The following GARNL3 variants were observed in gnomAD, a reference collection of about 807,000 sequenced individuals.
GARNL3 encodes the protein GTPase activating Rap/RanGAP domain like 3.
Under a neutral mutation model 125.0 loss-of-function variants are expected in GARNL3, and 63 were observed. That is an observed-to-expected ratio of 0.50 (90% CI 0.41 to 0.62). GARNL3 has a LOEUF of 0.62. GARNL3 is among the 20% of genes least tolerant of loss of function. GARNL3 has a pLI of 0.00. For missense variants in GARNL3, 994 were observed against 1,244.0 expected, an observed-to-expected ratio of 0.80 and a Z score of 3.02; for synonymous variants, 439 against 457.5, an observed-to-expected ratio of 0.96 and a Z score of 0.52.
intron 2 of GARNL3, among the ~76,000 whole-genome samples, chr9:127,303,848 G>A (rs750143891): frequency 9.9e-5 from 15 of 152,006 alleles, no homozygotes; most frequent in South Asian, 6.2e-4. Context: ...GTCTTCCTCC[G>A]TCACATCCCA....
intron 1 of GARNL3, 147 bp downstream of exon 1, chr9:127,265,168 G>A (rs2063676351): frequency 1.9e-6 from 1 of 540,192 alleles, no homozygotes; most frequent in Non-Finnish European, 3.1e-6. Flanking sequence ...ACTATACAAA[G>A]GCTATGATAA....
chr9:127,330,503 T>C (rs867215814), intron 7 of GARNL3, among the ~76,000 whole-genome samples: 1 of 152,222 alleles, frequency 6.6e-6, no homozygotes, highest in Non-Finnish European at 1.5e-5. Context: ...TTATTAATCT[T>C]TTCCAATGTA....
intron 1 of GARNL3, among the ~76,000 whole-genome samples, chr9:127,233,696 T>C (rs553656590): frequency 1.3e-5 from 2 of 152,338 alleles, no homozygotes; most frequent in East Asian, 3.9e-4. Flanking sequence ...CAAATATTGC[T>C]CTGTGCATGG....
Position 127,334,594 on chromosome 9 carries a change from G to A in GARNL3, c.770-636G>A, listed in dbSNP as rs575751737. 2.7e-3 allele frequency among the ~76,000 whole-genome samples: 404 copies of A among 152,258 alleles called. 2 individuals carry two copies. Among genetic ancestry groups the A allele is most frequent in the African/African-American group, 9.2e-3 (384 of 41,564 alleles). On this transcript the variant is annotated intron_variant, in intron 9 of 27. Coordinates refer to ENST00000373387, the MANE Select transcript of GARNL3 (RefSeq NM_032293.5). Reference sequence around the variant, plus strand: ...CTCATACCCCCGCTGCCAACCCTCAGCGTCTCCAATATGGTCATAACAACC... The same window carrying A: ...CTCATACCCCCGCTGCCAACCCTCAACGTCTCCAATATGGTCATAACAACC...
intron 1 of GARNL3, among the ~76,000 whole-genome samples, chr9:127,275,120 T>C (rs2063920427): frequency 3.3e-5 from 5 of 152,254 alleles, no homozygotes; most frequent in Non-Finnish European, 1.5e-5. Context: ...TGTACTGCTC[T>C]TAGCAATAGA....
intron 2 of GARNL3, among the ~76,000 whole-genome samples, chr9:127,257,849 T>C (rs2063519995): frequency 6.6e-6 from 1 of 152,278 alleles, no homozygotes; most frequent in Non-Finnish European, 1.5e-5. Context: ...TGGCCTGTTA[T>C]GAACCAGGAG....
chr9:127,374,073 G>A (rs1294150548), intron 22 of GARNL3, among the ~76,000 whole-genome samples: 2 of 152,050 alleles, frequency 1.3e-5, no homozygotes, highest in Non-Finnish European at 2.9e-5. Flanking sequence ...AGGCCGAGGT[G>A]GGTGGATCAC....
chr9:127,230,997 T>C (rs2062991282), intron 1 of GARNL3, among the ~76,000 whole-genome samples: 1 of 141,678 alleles, frequency 7.1e-6, no homozygotes, highest in South Asian at 2.1e-4. Flanking sequence ...TATATGTATA[T>C]ATACACATAT....
chr9:127,382,949 C>T (rs1024447789), intron 22 of GARNL3, among the ~76,000 whole-genome samples: 6 of 152,168 alleles, frequency 3.9e-5, no homozygotes, highest in Non-Finnish European at 5.9e-5. Flanking sequence ...CAAGGGCTGC[C>T]GTCAGGTGTC....
chr9:127,302,078 G>A (rs1229541604), intron 2 of GARNL3, among the ~76,000 whole-genome samples: 2 of 151,618 alleles, frequency 1.3e-5, no homozygotes, highest in Non-Finnish European at 1.5e-5. Flanking sequence ...GAGTAGCTGG[G>A]ACTACAGGCG....
intron 22 of GARNL3, among the ~76,000 whole-genome samples, chr9:127,380,728 C>T (rs905520491): frequency 5.9e-5 from 9 of 152,154 alleles, no homozygotes; most frequent in African/African-American, 2.2e-4. Context: ...CCGGAAAAGG[C>T]AAGTCCACAG....
intron 27 of GARNL3, among the ~76,000 whole-genome samples, chr9:127,391,103 G>A (rs974883061): frequency 1.4e-4 from 21 of 151,942 alleles, no homozygotes; most frequent in African/African-American, 4.1e-4. Context: ...TGGCCAACAC[G>A]GTGAAACCCC....
intron 21 of GARNL3, chr9:127,362,806 C>G (rs1831083443): frequency 1.3e-5 from 2 of 152,236 alleles, no homozygotes; most frequent in South Asian, 4.1e-4. Flanking sequence ...TGAGCATTTA[C>G]CGAGCTCCAG....
chr9:127,346,513 A>T (rs1049594752), intron 16 of GARNL3, among the ~76,000 whole-genome samples: 3 of 152,218 alleles, frequency 2.0e-5, no homozygotes, highest in African/African-American at 7.2e-5. Flanking sequence ...TCCCATGCAC[A>T]GTAGGAATTT....
At chr9:127,366,483 A>G (rs985237288) in intron 22 of GARNL3, among the ~76,000 whole-genome samples, 2 of 152,200 alleles carry the variant, frequency 1.3e-5, no homozygotes, top group Non-Finnish European at 2.9e-5. Flanking sequence ...CTGCATCCCC[A>G]GGTTTATGGC....
rs144761667 is a variant in GARNL3 at position 127,353,101 on chromosome 9, CAGTA to C, written c.1544-739_1544-736del. 5.2e-3 allele frequency among the ~76,000 whole-genome samples: 790 copies of C among 152,318 alleles called. 9 individuals are homozygous for C. Among genetic ancestry groups the C allele is most frequent in the African/African-American group, 0.018 (752 of 41,558 alleles). ...AGTAATTGTTAGCAACTTAGATTCT[CAGTA>C]AGTAACCTCAACAACAAATCCTGTG... On this transcript the variant is annotated intron_variant, in intron 17 of 27. Coordinates refer to ENST00000373387, the MANE Select transcript of GARNL3 (RefSeq NM_032293.5).
At chr9:127,245,982 A>G (rs1342297615) in intron 2 of GARNL3, among the ~76,000 whole-genome samples, 2 of 152,026 alleles carry the variant, frequency 1.3e-5, no homozygotes, top group African/African-American at 2.4e-5. Flanking sequence ...ATATATAACA[A>G]CAGTCCAGTG....
Position 127,348,930 on chromosome 9 carries a change from G to A in GARNL3, c.1438G>A (p.Glu480Lys), listed in dbSNP as rs1398652956. 4.3e-6 allele frequency: 7 copies of A among 1,610,242 alleles called. No homozygotes were observed. The highest frequency in any genetic ancestry group is 1.3e-5 in the African/African-American group (1 of 74,738). Residue 480 changes from glutamate (E) to lysine (K), a missense_variant, in exon 17 of 28, where the codon GAG (glutamate) becomes AAG (lysine). By Grantham distance (56) the Glu-to-Lys change is moderately conservative. Transcript: ENST00000373387. ...TGCTTGTATTGCCTCACAGCCGTGG[G>A]AGCCCCAGTGTTTCTGCAGTAATTT... ...ASGICKKEPW[E>K]PQCFCSNFPH...
intron 1 of GARNL3, among the ~76,000 whole-genome samples, chr9:127,275,712 C>T (rs2063937675): frequency 6.6e-6 from 1 of 152,178 alleles, no homozygotes; most frequent in African/African-American, 2.4e-5. Flanking sequence ...AAATGGCTGG[C>T]TCATGGTGTC....
Sources: allele counts gnomAD v4.1 joint callset (sites outside exome capture counted in the v4.1 genomes callset), GRCh38; gene constraint gnomAD v4.1.1; transcripts MANE v1.5; gene names NCBI Gene and HGNC (gene_info 2026-07-23, HGNC 2026-07-21).